The following DRC8 variants were observed in gnomAD, a reference collection of about 807,000 sequenced individuals.
The protein encoded by DRC8 is dynein regulatory complex subunit 8.
chr1:245,056,943 A>AAAAAAAAAG, the DRC8 span, among the ~76,000 whole-genome samples: 3 of 151,748 alleles, frequency 2.0e-5, no homozygotes, highest in Non-Finnish European at 4.4e-5. Context: ...CTCAAAAAAA[A>AAAAAAAAAG]AAAGAAAAAG....
At chr1:245,107,964 C>T in the DRC8 span, among the ~76,000 whole-genome samples, 4 of 152,142 alleles carry the variant, frequency 2.6e-5, no homozygotes, top group South Asian at 2.1e-4. Flanking sequence ...GTTCCCACTC[C>T]GGGCTACCTC....
the DRC8 span, among the ~76,000 whole-genome samples, chr1:244,980,530 A>G: frequency 1.3e-5 from 2 of 152,140 alleles, no homozygotes; most frequent in African/African-American, 4.8e-5. Context: ...CCCTGAACCA[A>G]AGTAATGGAA....
At chr1:245,110,116 C>G in the DRC8 span, among the ~76,000 whole-genome samples, 1 of 152,138 alleles carries the variant, frequency 6.6e-6, no homozygotes, top group African/African-American at 2.4e-5. Flanking sequence ...GGCACAGTGG[C>G]TCACGCTTGT....
At chr1:245,076,683 G>T in the DRC8 span, among the ~76,000 whole-genome samples, 521 of 151,984 alleles carry the variant, frequency 3.4e-3, 3 homozygotes, top group Non-Finnish European at 6.0e-3. Flanking sequence ...GGTCCCAATT[G>T]CACCATTTTT....
At chr1:245,073,459 A>G in the DRC8 span, among the ~76,000 whole-genome samples, 1 of 152,054 alleles carries the variant, frequency 6.6e-6, no homozygotes, top group African/African-American at 2.4e-5. Context: ...TTTAACACAT[A>G]TACCACTCTC....
chr1:244,970,666 C>CCCGCCCCGCCCCGCCTCTCTCCCCCGCT, the DRC8 span: 2 of 59,602 alleles, frequency 3.4e-5, no homozygotes, highest in African/African-American at 5.1e-5. Context: ...GCCTCTCTCC[C>CCCGCCCCGCCCCGCCTCTCTCCCCCGCT]CCGCCCCGCC....
the DRC8 span, among the ~76,000 whole-genome samples, chr1:245,031,292 A>T: frequency 6.6e-6 from 1 of 151,908 alleles, no homozygotes; most frequent in Admixed American, 6.5e-5. Flanking sequence ...CTGAGCACAT[A>T]GCTATACTGT....
At chr1:245,017,427 A>G in the DRC8 span, 2 of 1,182,804 alleles carry the variant, frequency 1.7e-6, no homozygotes, top group Non-Finnish European at 2.3e-6. Context: ...CCTTGGATTT[A>G]TTATGCTCTT....
chr1:245,012,841 T>C, the DRC8 span, among the ~76,000 whole-genome samples: 1 of 152,208 alleles, frequency 6.6e-6, no homozygotes, highest in Admixed American at 6.5e-5. Context: ...TATATGGATT[T>C]CTGTATTTCC....
chr1:245,038,306 G>A, the DRC8 span, among the ~76,000 whole-genome samples: 16 of 151,948 alleles, frequency 1.1e-4, no homozygotes, highest in Non-Finnish European at 1.6e-4. Context: ...TTGTCTCTAC[G>A]AAAAATACAA....
At chr1:245,093,169 G>A in the DRC8 span, among the ~76,000 whole-genome samples, 7 of 151,972 alleles carry the variant, frequency 4.6e-5, no homozygotes, top group African/African-American at 1.2e-4. Context: ...GAGAACGTGC[G>A]CATACCTGGG....
At chr1:245,036,231 A>G in the DRC8 span, among the ~76,000 whole-genome samples, 1 of 152,226 alleles carries the variant, frequency 6.6e-6, no homozygotes, top group African/African-American at 2.4e-5. Flanking sequence ...TTGAATAGAC[A>G]TTTCTCCAAG....
the DRC8 span, among the ~76,000 whole-genome samples, chr1:245,029,581 G>C: frequency 6.6e-6 from 1 of 150,950 alleles, no homozygotes; most frequent in Non-Finnish European, 1.5e-5. Flanking sequence ...TTACAGGTGT[G>C]AGCCACTGTG....
At chr1:245,101,555 C>G in the DRC8 span, among the ~76,000 whole-genome samples, 2 of 152,260 alleles carry the variant, frequency 1.3e-5, no homozygotes, top group African/African-American at 4.8e-5. Context: ...TGGTGATAAT[C>G]TAATTCTATC....
chr1:245,058,284 A>C, the DRC8 span, among the ~76,000 whole-genome samples: 1 of 148,510 alleles, frequency 6.7e-6, no homozygotes, highest in African/African-American at 2.6e-5. Flanking sequence ...TATATGAAAG[A>C]AAAAAAACAA....
chr1:245,086,319 T>C, the DRC8 span, among the ~76,000 whole-genome samples: 6 of 152,348 alleles, frequency 3.9e-5, no homozygotes, highest in South Asian at 1.0e-3. Context: ...CTAAGTGTAA[T>C]AGCAGTTGAC....
chr1:244,970,604 T>C, the DRC8 span: 3 of 779,132 alleles, frequency 3.9e-6, no homozygotes, highest in African/African-American at 7.3e-5. Flanking sequence ...GCAGTCGCCC[T>C]GCCCCCGTCC....
the DRC8 span, among the ~76,000 whole-genome samples, chr1:245,023,798 C>T: frequency 1.3e-4 from 20 of 152,086 alleles, no homozygotes; most frequent in African/African-American, 4.6e-4. Context: ...TTATTTTTAA[C>T]GTGAATGGTA....
At chr1:244,977,670 A>G in the DRC8 span, among the ~76,000 whole-genome samples, 5 of 152,160 alleles carry the variant, frequency 3.3e-5, no homozygotes, top group Non-Finnish European at 7.3e-5. Flanking sequence ...TTAAAACCAA[A>G]AAAATAAAAA....
Sources: allele counts gnomAD v4.1 joint callset (sites outside exome capture counted in the v4.1 genomes callset), GRCh38; gene constraint gnomAD v4.1.1; transcripts MANE v1.5; gene names NCBI Gene and HGNC (gene_info 2026-07-23, HGNC 2026-07-21).